The following SPATA7 variants were observed in gnomAD, a reference collection of about 807,000 sequenced individuals.
SPATA7 encodes the protein spermatogenesis associated 7.
Under a neutral mutation model 51.8 loss-of-function variants are expected in SPATA7, and 43 were observed. The observed-to-expected ratio is 0.83, with a 90% CI of 0.65 to 1.07. The LOEUF (loss-of-function observed/expected upper bound fraction) is 1.07. Among genes scored for constraint, SPATA7 ranks in the 50% least tolerant of loss-of-function variants. The probability of loss-of-function intolerance (pLI) is 0.00; values close to 1 mark genes in which losing one functional copy is unlikely to be tolerated. For missense variants in SPATA7, 683 were observed against 701.3 expected, an observed-to-expected ratio of 0.97 and a Z score of 0.30; for synonymous variants, 230 against 252.8, an observed-to-expected ratio of 0.91 and a Z score of 0.86.
chr14:88,452,572 A>T (rs2077258693), intron 3 of SPATA7, among the ~76,000 whole-genome samples: 1 of 152,078 alleles, frequency 6.6e-6, no homozygotes, highest in Non-Finnish European at 1.5e-5. Context: ...TGTCTGCTCA[A>T]TTCTCTTGGC....
intron 4 of SPATA7, among the ~76,000 whole-genome samples, chr14:88,398,828 G>A (rs528377126): frequency 4.0e-5 from 6 of 151,808 alleles, no homozygotes; most frequent in South Asian, 4.2e-4. Flanking sequence ...TGAGGCGGGC[G>A]GATCACGAGG....
intron 10 of SPATA7, among the ~76,000 whole-genome samples, chr14:88,433,765 A>G (rs1282677869): frequency 6.6e-6 from 1 of 152,168 alleles, no homozygotes; most frequent in African/African-American, 2.4e-5. Flanking sequence ...ACTTTGTGTT[A>G]TGTAACCTAG....
intron 3 of SPATA7, among the ~76,000 whole-genome samples, chr14:88,451,486 A>G (rs781029827): frequency 1.0e-4 from 15 of 148,700 alleles, no homozygotes; most frequent in African/African-American, 2.5e-5. Flanking sequence ...TTTTTTACTT[A>G]TGCTATTTCA....
At chr14:88,427,572 G>A (rs1214543639) in intron 6 of SPATA7, 58 bp from the exon 7 acceptor site, 14 of 1,195,938 alleles carry the variant, frequency 1.2e-5, no homozygotes, top group Non-Finnish European at 1.6e-5. Flanking sequence ...AGTAAACCTT[G>A]TTACCACAGT....
At chr14:88,446,933 T>A (rs980508529) in intron 3 of SPATA7, among the ~76,000 whole-genome samples, 21 of 152,176 alleles carry the variant, frequency 1.4e-4, no homozygotes, top group African/African-American at 4.8e-4. Context: ...ATAGGTGTGG[T>A]GTGGTGCTGA....
chr14:88,469,538 G>A lies in SPATA7; in HGVS notation c.255-309G>A. 1 of 1,614,140 alleles carries A rather than the reference G, an allele frequency of 6.2e-7. No individual in the cohort carries two copies. The highest frequency in any genetic ancestry group is 8.5e-7 in the Non-Finnish European group (1 of 1,180,016). On this transcript the variant is annotated intron_variant, in intron 4 of 4. Coordinates refer to the SPATA7 transcript ENST00000556406. The surrounding 1 kb of genome is among the most constrained non-coding windows in gnomAD (Gnocchi z 4.3). ...AGGTCTTCTGGACAGCCATGTTCAGGCCAGTCTGTGTATTGGAGGTGCCAG... is the reference window on the plus strand; with the variant it reads ...AGGTCTTCTGGACAGCCATGTTCAGACCAGTCTGTGTATTGGAGGTGCCAG...
intron 8 of SPATA7, among the ~76,000 whole-genome samples, chr14:88,430,065 C>T (rs2076900022): frequency 6.6e-6 from 1 of 151,948 alleles, no homozygotes; most frequent in African/African-American, 2.4e-5. Context: ...TAGTAGAAAA[C>T]CTAAAAGATG....
At chr14:88,414,592 C>T (rs1349381743) in intron 4 of SPATA7, 3 of 315,398 alleles carry the variant, frequency 9.5e-6, no homozygotes, top group Non-Finnish European at 1.9e-5. Context: ...CTACTACTAG[C>T]TTTGGGATTA....
intron 1 of SPATA7, among the ~76,000 whole-genome samples, chr14:88,390,662 A>G (rs113511553): frequency 6.6e-6 from 1 of 152,210 alleles, no homozygotes; most frequent in Non-Finnish European, 1.5e-5. Flanking sequence ...GAGTAAGGGA[A>G]GAGTCGCCCA....
At chr14:88,458,999 A>C (rs1011803010), downstream of SPATA7, among the ~76,000 whole-genome samples, 26 of 152,118 alleles carry the variant, frequency 1.7e-4, no homozygotes, top group East Asian at 1.4e-3. Context: ...CATTCAGGAG[A>C]AGGTTGTTCA....
At chr14:88,420,898 CA>C (rs1555375068) in intron 5 of SPATA7, among the ~76,000 whole-genome samples, 1 of 151,872 alleles carries the variant, frequency 6.6e-6, no homozygotes, top group Non-Finnish European at 1.5e-5. Flanking sequence ...GGTGGATCAC[CA>C]GGTCAGGAGA....
At chr14:88,428,002 A>G in intron 7 of SPATA7, 1 of 227,824 alleles carries the variant, frequency 4.4e-6, no homozygotes. Context: ...TCAAAGATGC[A>G]GACCTGGATT....
Position 88,438,420 on chromosome 14 carries a change from T to G in SPATA7, c.1798T>G (p.Ter600GluextTer11). 1 of 1,604,308 alleles carries G rather than the reference T, an allele frequency of 6.2e-7. No individual in the cohort carries two copies. Among genetic ancestry groups the G allele is most frequent in the Non-Finnish European group, 8.5e-7 (1 of 1,171,420 alleles). ...CATTGAGGACTGCCCTTTGGATGTT[T>G]AATCTTCATTAATAAATACCTCAAA... Reference protein sequence around the residue: ...MSIEDCPLDV* With the variant: ...MSIEDCPLDVE The change falls in exon 12 of 12, where the codon TAA becomes GAA. Residue 600 changes from the stop codon to glutamate, a stop_lost. Transcript: ENST00000393545.
At chr14:88,392,854 A>G (rs903748025) in intron 2 of SPATA7, among the ~76,000 whole-genome samples, 1 of 152,150 alleles carries the variant, frequency 6.6e-6, no homozygotes, top group Non-Finnish European at 1.5e-5. Context: ...GTTTAATGTC[A>G]TGGAATTTCT....
rs1056982038 is a variant in SPATA7, at chr14:88,386,079, G to GT, written c.19+243dup. 73 of 1,404,138 alleles carry GT rather than the reference G, an allele frequency of 5.2e-5. No individual in the cohort carries two copies. The African/African-American group carries it at 9.8e-4, about 19-fold the overall frequency. 87.0% of individuals were successfully genotyped at this position (1,404,138 alleles called of 1,614,324 possible). A position where few individuals can be genotyped will look rare whatever the true frequency, so the allele number is the denominator to read the frequency against. ...TGTCGCCCTGACACCAGGGGCCCCT[G>GT]TCTCCTGAACTCAGGGTCGTGCAGC... On this transcript the variant is annotated intron_variant, in intron 1 of 11. Transcript: ENST00000393545.
intron 10 of SPATA7, among the ~76,000 whole-genome samples, chr14:88,436,208 G>A (rs765824357): frequency 6.6e-6 from 1 of 152,116 alleles, no homozygotes; most frequent in Non-Finnish European, 1.5e-5. Flanking sequence ...CAATTCGTAT[G>A]TCTTTTGAGA....
chr14:88,444,439 G>A (rs1566793558), intron 3 of SPATA7, among the ~76,000 whole-genome samples: 1 of 151,166 alleles, frequency 6.6e-6, no homozygotes, highest in Admixed American at 6.6e-5. Context: ...TAGGTTGCCT[G>A]TTCACTCTGA....
intron 4 of SPATA7, among the ~76,000 whole-genome samples, chr14:88,461,563 C>T (rs147495898): frequency 0.016 from 2,423 of 152,248 alleles, 64 homozygotes; most frequent in African/African-American, 0.055. Context: ...TGGAAAAGCT[C>T]AGTATTTGGG....
chr14:88,435,721 G>C (rs1180438667), intron 10 of SPATA7, among the ~76,000 whole-genome samples: 2 of 152,080 alleles, frequency 1.3e-5, no homozygotes, highest in African/African-American at 4.8e-5. Flanking sequence ...TTAATATAAT[G>C]ATCTCCAGTT....
Sources: gnomAD v4.1 joint callset for allele counts (sites outside exome capture counted in the v4.1 genomes callset) on GRCh38, gnomAD v4.1.1 for gene constraint, Gnocchi (gnomAD v3.1) non-coding constraint, MANE v1.5 for transcripts, NCBI Gene and HGNC (gene_info 2026-07-23, HGNC 2026-07-21) for gene names.